The following B3GAT2 variants were observed in gnomAD, a reference collection of about 807,000 sequenced individuals.
B3GAT2 encodes the protein galactosylgalactosylxylosylprotein 3-beta-glucuronosyltransferase 2.
Under a neutral mutation model 27.8 loss-of-function variants are expected in B3GAT2, and 26 were observed. The ratio of observed to expected loss-of-function variants is 0.93; its 90% CI spans 0.68 to 1.30. The LOEUF (loss-of-function observed/expected upper bound fraction) is 1.30, where lower values mean the gene tolerates loss of function less well. Among genes scored for constraint, B3GAT2 ranks in the 50% most tolerant of loss-of-function variants. The probability of loss-of-function intolerance (pLI) is 0.00; values close to 1 mark genes in which losing one functional copy is unlikely to be tolerated. For synonymous variants in B3GAT2, 218 were observed against 195.1 expected, an observed-to-expected ratio of 1.12 and a Z score of -0.98; for missense variants, 458 against 459.0, an observed-to-expected ratio of 1.00 and a Z score of 0.02.
intron 2 of B3GAT2, among the ~76,000 whole-genome samples, chr6:70,869,932 C>A (rs548740759): frequency 7.2e-5 from 11 of 152,246 alleles, no homozygotes; most frequent in African/African-American, 2.4e-4. Context: ...AACACTTTTA[C>A]ACTGTTGGTG....
At chr6:70,897,512 G>A (rs1015866116) in intron 1 of B3GAT2, among the ~76,000 whole-genome samples, 1 of 151,630 alleles carries the variant, frequency 6.6e-6, no homozygotes, top group East Asian at 1.9e-4. Context: ...GTCGAGGTGG[G>A]CGGATCACTT....
At chr6:70,955,796 C>A (rs1451346615) in intron 1 of B3GAT2, 43 bp downstream of exon 1, 2 of 1,513,788 alleles carry the variant, frequency 1.3e-6, no homozygotes, top group Non-Finnish European at 1.8e-6. Flanking sequence ...CCCGGAGGCC[C>A]ACTCCCGCCC....
In B3GAT2 at chr6:70,956,259, G is replaced by A. The variant is rs1414502465; in HGVS notation, c.171C>T (p.Gly57=). 6.2e-7 allele frequency: 1 copy of A among 1,610,640 alleles called. No homozygotes were observed. The highest frequency in any genetic ancestry group is 8.5e-7 in the Non-Finnish European group (1 of 1,178,268). The stretch of plus-strand genomic sequence containing the variant: ...GCTTTTGGGTCCCGTGAGCCGGGCC[G>A]CCCCTGCGGAGCGGGAGTCGGGCGC... ...RGGARLPLRR[G]GPAHGTQKRN... The change falls in exon 1 of 4, where the codon GGC becomes GGT. Residue 57 remains glycine, a synonymous_variant. Coordinates refer to ENST00000230053, the MANE Select transcript of B3GAT2 (RefSeq NM_080742.3).
At chr6:70,895,370 G>T (rs1332463175) in intron 1 of B3GAT2, among the ~76,000 whole-genome samples, 2 of 151,736 alleles carry the variant, frequency 1.3e-5, no homozygotes, top group East Asian at 3.9e-4. Context: ...GATATACCTT[G>T]GAAAGATTTT....
At chr6:70,872,332 T>A (rs904558602) in intron 2 of B3GAT2, among the ~76,000 whole-genome samples, 6 of 151,924 alleles carry the variant, frequency 3.9e-5, no homozygotes, top group Admixed American at 3.3e-4. Context: ...TTTCCTTCAG[T>A]TTTGTCATTT....
In B3GAT2 at chr6:70,861,551, G is replaced by T; in HGVS notation, c.*112C>A. ...TGTCCATCAGATGACAAGAAAGGCT[G>T]CTGTACTGAAGTAAAACAAACAATA... On this transcript the variant is annotated 3_prime_UTR_variant, in exon 4 of 4. Transcript: ENST00000230053. 1 of 897,424 alleles carries T rather than the reference G, an allele frequency of 1.1e-6. No homozygotes were observed. Among genetic ancestry groups the T allele is most frequent in the Non-Finnish European group, 1.7e-6 (1 of 574,868 alleles). 55.6% of individuals were successfully genotyped at this position (897,424 alleles called of 1,614,324 possible).
intron 1 of B3GAT2, among the ~76,000 whole-genome samples, chr6:70,903,527 TAA>T (rs766931111): frequency 3.9e-5 from 6 of 151,946 alleles, no homozygotes; most frequent in Non-Finnish European, 8.8e-5. Flanking sequence ...ACAACCCAAT[TAA>T]AAAAGTCAGT....
Position 70,856,691 on chromosome 6 carries a change from T to A in B3GAT2, c.*4972A>T. 1.8e-6 allele frequency: 1 copy of A among 558,644 alleles called. No individual in the cohort carries two copies. The highest frequency in any genetic ancestry group is 3.0e-6 in the Non-Finnish European group (1 of 333,504). 34.6% of individuals were successfully genotyped at this position (558,644 alleles called of 1,614,324 possible). ...AGAAGTACTGTCTTGATTGTAGATG[T>A]TTTTATATGGGCTTGGGCTTGTAAG... On this transcript the variant is annotated 3_prime_UTR_variant, in exon 4 of 4. Transcript: ENST00000230053.
chr6:70,881,460 T>C (rs1199134226), intron 2 of B3GAT2, among the ~76,000 whole-genome samples: 4 of 152,172 alleles, frequency 2.6e-5, no homozygotes, highest in Admixed American at 1.3e-4. Context: ...ATGGCTTGTA[T>C]TGGTCTTTGT....
intron 1 of B3GAT2, among the ~76,000 whole-genome samples, chr6:70,922,252 T>A (rs563789194): frequency 5.9e-5 from 9 of 152,306 alleles, no homozygotes; most frequent in Non-Finnish European, 1.2e-4. Flanking sequence ...AAAAGAAAAG[T>A]CTTCTAGTCC....
chr6:70,913,629 C>T (rs975948253), intron 1 of B3GAT2, among the ~76,000 whole-genome samples: 4 of 152,120 alleles, frequency 2.6e-5, no homozygotes, highest in Non-Finnish European at 5.9e-5. Flanking sequence ...ATTGTGTGGT[C>T]GACTTTAGAG....
At chr6:70,892,309 A>G (rs1432052898) in intron 2 of B3GAT2, among the ~76,000 whole-genome samples, 1 of 152,208 alleles carries the variant, frequency 6.6e-6, no homozygotes, top group South Asian at 2.1e-4. Context: ...AGAAATATCA[A>G]TGTGACCCAA....
chr6:70,894,174 C>T lies in B3GAT2; in HGVS notation c.690G>A (p.Trp230Ter). ...PLVENGKVVGWYTGWRADRPF... is the reference protein window; with the variant it reads ...PLVENGKVVG Reference sequence around the variant, plus strand: ...GCCTGTCTGCTCTCCAGCCGGTGTACCAGCCAACAACTTTGCCGTTTTCCA... The same window carrying T: ...GCCTGTCTGCTCTCCAGCCGGTGTATCAGCCAACAACTTTGCCGTTTTCCA... Residue 230 changes from tryptophan to a stop codon, truncating the protein, a stop_gained, in exon 2 of 4, where the codon TGG becomes TGA. Coordinates refer to ENST00000230053, the MANE Select transcript of B3GAT2 (RefSeq NM_080742.3). LOFTEE classifies it high-confidence loss of function. The T allele has an allele frequency of 6.2e-7, 1 of 1,613,498 alleles. No individual in the cohort carries two copies. Among genetic ancestry groups the T allele is most frequent in the Non-Finnish European group, 8.5e-7 (1 of 1,179,598 alleles).
chr6:70,916,663 T>C (rs1221523511), intron 1 of B3GAT2, among the ~76,000 whole-genome samples: 3 of 152,224 alleles, frequency 2.0e-5, no homozygotes, highest in African/African-American at 7.2e-5. Flanking sequence ...TCATGTGGTT[T>C]TTGTCGTTGG....
chr6:70,866,064 C>T (rs1382031975), intron 2 of B3GAT2, among the ~76,000 whole-genome samples: 1 of 152,166 alleles, frequency 6.6e-6, no homozygotes, highest in Non-Finnish European at 1.5e-5. Context: ...GACAGCTCTC[C>T]TCAACTCTTC....
intron 1 of B3GAT2, among the ~76,000 whole-genome samples, chr6:70,948,673 T>C (rs1765531039): frequency 6.6e-6 from 1 of 151,382 alleles, no homozygotes; most frequent in Admixed American, 6.6e-5. Context: ...AATTTATAGA[T>C]TCAATGCCAT....
chr6:70,900,874 C>T (rs1772486645), intron 1 of B3GAT2, among the ~76,000 whole-genome samples: 1 of 152,164 alleles, frequency 6.6e-6, no homozygotes, highest in Non-Finnish European at 1.5e-5. Context: ...ATGCTATAGG[C>T]AACTTCAAGA....
chr6:70,893,612 T>C (rs1772328617), intron 2 of B3GAT2, among the ~76,000 whole-genome samples: 1 of 152,192 alleles, frequency 6.6e-6, no homozygotes, highest in Admixed American at 6.5e-5. Flanking sequence ...AATAAATTCT[T>C]GAAATACCAG....
chr6:70,932,129 C>T (rs147706975), intron 1 of B3GAT2, among the ~76,000 whole-genome samples: 14 of 152,030 alleles, frequency 9.2e-5, no homozygotes, highest in African/African-American at 3.1e-4. Flanking sequence ...ATGGCTATTA[C>T]CCAAAAAACA....
Sources: allele counts gnomAD v4.1 joint callset (sites outside exome capture counted in the v4.1 genomes callset), GRCh38; gene constraint gnomAD v4.1.1; transcripts MANE v1.5; gene names NCBI Gene and HGNC (gene_info 2026-07-23, HGNC 2026-07-21).